RUVBL1: variants seen among roughly 807,000 people sequenced by gnomAD.
RUVBL1 encodes the protein ruvB-like 1.
RUVBL1 carries 4 observed loss-of-function variants against 52.4 expected under a neutral mutation model. The observed-to-expected ratio is 0.08, with a 90% CI of 0.04 to 0.17. RUVBL1 has a LOEUF of 0.17. RUVBL1 is among the 10% of genes least tolerant of loss of function. The pLI is 1.00. For synonymous variants in RUVBL1, 217 were observed against 214.4 expected, an observed-to-expected ratio of 1.01 and a Z score of -0.10; for missense variants, 298 against 572.8, an observed-to-expected ratio of 0.52 and a Z score of 4.90.
chr3:128,087,853 C>T (rs1211774699), intron 8 of RUVBL1, 45 bp from the exon 9 acceptor site: 3 of 1,217,288 alleles, frequency 2.5e-6, no homozygotes, highest in South Asian at 1.2e-5. Flanking sequence ...CTCTGTTAGA[C>T]AAGAAACGAC....
chr3:128,071,232 G>T (rs531487840), intron 9 of RUVBL1: 1 of 153,052 alleles, frequency 6.5e-6, no homozygotes, highest in South Asian at 2.1e-4. Flanking sequence ...ATGGGCCCCA[G>T]GCTCCTCCAT....
intron 4 of RUVBL1, among the ~76,000 whole-genome samples, chr3:128,102,639 A>G (rs565490779): frequency 1.3e-5 from 2 of 152,270 alleles, no homozygotes; most frequent in African/African-American, 2.4e-5. Flanking sequence ...GTCCAAAAGA[A>G]GGCAACCGAA....
intron 1 of RUVBL1, among the ~76,000 whole-genome samples, chr3:128,151,023 T>TAA (rs1944198613): frequency 1.1e-5 from 1 of 93,970 alleles, no homozygotes; most frequent in Non-Finnish European, 1.9e-5. Flanking sequence ...ATTATATATA[T>TAA]AATATATATT....
At chr3:128,100,308 T>C (rs4857867) in intron 6 of RUVBL1, among the ~76,000 whole-genome samples, 131,004 of 152,202 alleles carry the variant, frequency 0.86, 56,566 homozygotes, top group African/African-American at 0.92. Flanking sequence ...AAATCCCAGG[T>C]GTGAGCCCAC....
chr3:128,075,547 C>T (rs747376627), intron 9 of RUVBL1, among the ~76,000 whole-genome samples: 8 of 152,206 alleles, frequency 5.3e-5, no homozygotes, highest in Non-Finnish European at 7.3e-5. Flanking sequence ...GGGGGACACA[C>T]GCCTTCCTCC....
chr3:128,126,465 G>C (rs2107725678), upstream of RUVBL1, among the ~76,000 whole-genome samples: 1 of 151,918 alleles, frequency 6.6e-6, no homozygotes, highest in Middle Eastern at 3.4e-3. Context: ...AGAATCGCTT[G>C]AACTCAGGAG....
At chr3:128,096,470 A>G (rs1242276069) in intron 8 of RUVBL1, among the ~76,000 whole-genome samples, 1 of 152,138 alleles carries the variant, frequency 6.6e-6, no homozygotes, top group Non-Finnish European at 1.5e-5. Context: ...GGCCAAAGGG[A>G]TGGGAAAGAG....
upstream of RUVBL1, among the ~76,000 whole-genome samples, chr3:128,125,603 G>A (rs1466539324): frequency 6.6e-6 from 1 of 152,200 alleles, no homozygotes; most frequent in Non-Finnish European, 1.5e-5. Context: ...GAATTCATCA[G>A]TTTTGCTGCA....
At chr3:128,091,135 G>T (rs2107680086) in intron 8 of RUVBL1, among the ~76,000 whole-genome samples, 1 of 152,362 alleles carries the variant, frequency 6.6e-6, no homozygotes, top group East Asian at 1.9e-4. Flanking sequence ...AAACATTTCT[G>T]AGATTTGTCC....
intron 3 of RUVBL1, among the ~76,000 whole-genome samples, chr3:128,112,022 G>A (rs1456331780): frequency 6.6e-6 from 1 of 152,158 alleles, no homozygotes; most frequent in East Asian, 1.9e-4. Flanking sequence ...TCAAAAAACA[G>A]AAATGGCTTA....
chr3:128,103,086 A>G (rs1943140900), intron 4 of RUVBL1, among the ~76,000 whole-genome samples: 1 of 152,220 alleles, frequency 6.6e-6, no homozygotes, highest in South Asian at 2.1e-4. Flanking sequence ...CCTTCTATCC[A>G]AATATCTTGT....
intron 2 of RUVBL1, among the ~76,000 whole-genome samples, chr3:128,117,669 A>G (rs898427290): frequency 1.3e-5 from 2 of 151,634 alleles, no homozygotes; most frequent in Non-Finnish European, 2.9e-5. Flanking sequence ...CTAGAGTGCA[A>G]TGGCATGATC....
At chr3:128,131,403 G>T (rs1408609960) in intron 1 of RUVBL1, among the ~76,000 whole-genome samples, 1 of 152,086 alleles carries the variant, frequency 6.6e-6, no homozygotes, top group Non-Finnish European at 1.5e-5. Context: ...ACTTGAACCT[G>T]GGAGGTGGTG....
chr3:128,127,632 C>T (rs1943811532), upstream of RUVBL1, among the ~76,000 whole-genome samples: 1 of 152,196 alleles, frequency 6.6e-6, no homozygotes, highest in Admixed American at 6.5e-5. Flanking sequence ...TGCAACTACC[C>T]AGTGGTGCCC....
intron 1 of RUVBL1, among the ~76,000 whole-genome samples, chr3:128,150,945 A>ATATATATTATATATTCTATATATTC (rs1944193336): frequency 1.3e-5 from 1 of 75,388 alleles, no homozygotes; most frequent in African/African-American, 6.1e-5. Context: ...TCTATATATT[A>ATATATATTATATATTCTATATATTC]TATATATTAT....
At chr3:128,066,282 A>G (rs1166655135) in intron 9 of RUVBL1, among the ~76,000 whole-genome samples, 1 of 152,160 alleles carries the variant, frequency 6.6e-6, no homozygotes, top group African/African-American at 2.4e-5. Flanking sequence ...ATCACCAGCT[A>G]GAGAGAAGCG....
chr3:128,081,673 G>A lies in RUVBL1; in HGVS notation c.1212-264C>T, dbSNP rs933111428. 3.1e-5 allele frequency: 13 copies of A among 422,300 alleles called. No individual in the cohort carries two copies. Among genetic ancestry groups the A allele is most frequent in the South Asian group, 5.1e-5 (1 of 19,738 alleles). The allele number at this position is 422,300 out of a possible 1,614,324, so 26.2% of individuals were successfully genotyped here. On this transcript the variant is annotated intron_variant, in intron 10 of 10. Transcript: ENST00000322623. The surrounding 1 kb of genome is among the most constrained non-coding windows in gnomAD (Gnocchi z 4.8). ...TTTAGTACAGTCTACAAATCCTCCA[G>A]TAGGAAGTAATGTCACTGCTACTGG...
intron 1 of RUVBL1, among the ~76,000 whole-genome samples, chr3:128,134,389 G>T (rs1384886793): frequency 6.6e-6 from 1 of 151,756 alleles, no homozygotes; most frequent in African/African-American, 2.4e-5. Flanking sequence ...CTGAACCTGG[G>T]AGGCAGAGGT....
intron 9 of RUVBL1, chr3:128,084,409 G>T (rs1942576552): frequency 6.6e-6 from 1 of 152,156 alleles, no homozygotes; most frequent in African/African-American, 2.4e-5. Flanking sequence ...CTCACAGCTG[G>T]GACTGAGGAA....
Sources: gnomAD v4.1 joint callset for allele counts (sites outside exome capture counted in the v4.1 genomes callset) on GRCh38, gnomAD v4.1.1 for gene constraint, Gnocchi (gnomAD v3.1) non-coding constraint, MANE v1.5 for transcripts, NCBI Gene and HGNC (gene_info 2026-07-23, HGNC 2026-07-21) for gene names.